The following CNTN1 variants were observed in gnomAD, a reference collection of about 807,000 sequenced individuals.
The protein encoded by CNTN1 is contactin-1.
Under a neutral mutation model 126.4 loss-of-function variants are expected in CNTN1, and 38 were observed. That is an observed-to-expected ratio of 0.30 (90% confidence interval 0.23 to 0.39). The LOEUF (loss-of-function observed/expected upper bound fraction) is 0.39. Among genes scored for constraint, CNTN1 ranks in the 10% least tolerant of loss-of-function variants. CNTN1 has a pLI of 1.00. For synonymous variants in CNTN1, 413 were observed against 422.6 expected (o/e 0.98, Z 0.28); for missense variants, 1,009 against 1,248.4 (o/e 0.81, Z 2.89).
intron 1 of CNTN1, among the ~76,000 whole-genome samples, chr12:40,795,867 T>C (rs1459205130): frequency 6.6e-6 from 1 of 152,118 alleles, no homozygotes; most frequent in East Asian, 1.9e-4. Context: ...AAGTGTTTTT[T>C]AAATTTTTTA....
At chr12:41,007,696 C>T (rs145553435) in intron 17 of CNTN1, among the ~76,000 whole-genome samples, 198 of 152,206 alleles carry the variant, frequency 1.3e-3, no homozygotes, top group African/African-American at 4.1e-3. Flanking sequence ...ACAATGCATG[C>T]GGAAGGTGGT....
At position 40,778,546 on chromosome 12, in the gene CNTN1, A is replaced by G. The variant is rs527842626; in HGVS notation, c.-77+85954A>G. On this transcript the variant is annotated intron_variant, in intron 1 of 23. Coordinates refer to ENST00000551295, the MANE Select transcript of CNTN1 (RefSeq NM_001843.4). ...TGCTCAATTCTACAAATAGACAAAAAATATTATATTAATCTGGAGCATATT... is the reference window on the plus strand; with the variant it reads ...TGCTCAATTCTACAAATAGACAAAAGATATTATATTAATCTGGAGCATATT... 2.0e-5 allele frequency among the ~76,000 whole-genome samples: 3 copies of G among 151,986 alleles called. No homozygotes were observed. The South Asian group carries it at 6.2e-4, about 32-fold the overall frequency.
chr12:40,805,054 A>G (rs1481917600), intron 1 of CNTN1, among the ~76,000 whole-genome samples: 1 of 151,904 alleles, frequency 6.6e-6, no homozygotes, highest in South Asian at 2.1e-4. Context: ...GCACAATACA[A>G]TTTTCCATAT....
chr12:40,967,324 T>TA (rs1415849321), intron 15 of CNTN1, among the ~76,000 whole-genome samples: 1 of 151,360 alleles, frequency 6.6e-6, no homozygotes, highest in Non-Finnish European at 1.5e-5. Flanking sequence ...CTACTAAAAA[T>TA]AAAAAAATTA....
At position 40,863,594 on chromosome 12, in the gene CNTN1, C is replaced by A. The variant is rs918599322; in HGVS notation, c.-76-44763C>A. ...GTACCAGTCCGTGACCTGTTAGAAA[C>A]TGGGTTGCACAGCAGGAGGTGAGCA... On this transcript the variant is annotated intron_variant, in intron 1 of 23. Coordinates refer to ENST00000551295, the MANE Select transcript of CNTN1 (RefSeq NM_001843.4). 4.6e-5 allele frequency among the ~76,000 whole-genome samples: 7 copies of A among 152,138 alleles called. No individual in the cohort carries two copies. The South Asian group carries it at 1.2e-3, about 27-fold the overall frequency.
At chr12:40,801,830 GA>G (rs1346149179) in intron 1 of CNTN1, among the ~76,000 whole-genome samples, 2 of 151,708 alleles carry the variant, frequency 1.3e-5, no homozygotes, top group African/African-American at 4.8e-5. Context: ...GAGGTATTCT[GA>G]TACAATATTT....
intron 19 of CNTN1, among the ~76,000 whole-genome samples, chr12:41,018,761 T>C (rs1174688837): frequency 2.6e-5 from 4 of 152,064 alleles, no homozygotes; most frequent in African/African-American, 9.7e-5. Flanking sequence ...CAACCAAATA[T>C]GTCAAAAGAA....
intron 1 of CNTN1, among the ~76,000 whole-genome samples, chr12:40,716,285 T>G (rs1190455532): frequency 4.0e-5 from 6 of 150,660 alleles, no homozygotes; most frequent in Non-Finnish European, 1.5e-5. Context: ...CCTCCTTTCC[T>G]TCCTCTCTCT....
rs1338560465 is a variant in CNTN1, at chr12:40,806,341, C to G, written c.-76-102016C>G. Reference sequence around the variant, plus strand: ...ATTGCTATAGAAGCCTAGATCCAGTCCTCCCCCAGAGAGAAGTGTGGTTTT... The same window carrying G: ...ATTGCTATAGAAGCCTAGATCCAGTGCTCCCCCAGAGAGAAGTGTGGTTTT... On this transcript the variant is annotated intron_variant, in intron 1 of 23. Coordinates refer to ENST00000551295, the MANE Select transcript of CNTN1 (RefSeq NM_001843.4). Among the ~76,000 whole-genome samples, 3 of 152,118 alleles carry G rather than the reference C, an allele frequency of 2.0e-5. No individual in the cohort carries two copies. The East Asian group carries it at 5.8e-4, about 29-fold the overall frequency.
intron 23 of CNTN1, among the ~76,000 whole-genome samples, chr12:41,053,754 A>G (rs1949740121): frequency 6.6e-6 from 1 of 151,506 alleles, no homozygotes; most frequent in Admixed American, 6.6e-5. Flanking sequence ...ATTTATTATT[A>G]TACTTGTTGA....
chr12:41,025,078 A>C, intron 20 of CNTN1, 72 bp from the exon 21 acceptor site: 2 of 1,419,012 alleles, frequency 1.4e-6, no homozygotes, highest in Non-Finnish European at 2.0e-6. Context: ...TAATAGAACC[A>C]GTTGAAGAGA....
intron 1 of CNTN1, among the ~76,000 whole-genome samples, chr12:40,795,262 T>A (rs7138933): frequency 0.28 from 40,970 of 145,806 alleles, 5,900 homozygotes; most frequent in East Asian, 0.43. Flanking sequence ...TCTGTAAACA[T>A]GTCTACATGT....
chr12:40,846,248 G>A (rs1364621381), intron 1 of CNTN1, among the ~76,000 whole-genome samples: 3 of 152,150 alleles, frequency 2.0e-5, no homozygotes. Flanking sequence ...GCTGAGGCGG[G>A]TGGATCATGA....
At chr12:41,002,237 A>G (rs1948378871) in intron 17 of CNTN1, among the ~76,000 whole-genome samples, 1 of 152,132 alleles carries the variant, frequency 6.6e-6, no homozygotes, top group African/African-American at 2.4e-5. Flanking sequence ...CAGTATGGCC[A>G]TTTTTATAGT....
intron 1 of CNTN1, among the ~76,000 whole-genome samples, chr12:40,758,908 T>G (rs769121980): frequency 1.4e-4 from 21 of 151,966 alleles, no homozygotes; most frequent in Non-Finnish European, 2.1e-4. Context: ...ATATTCTTTT[T>G]TTTGTTTGTT....
intron 1 of CNTN1, among the ~76,000 whole-genome samples, chr12:40,716,850 G>C (rs1216808207): frequency 6.6e-6 from 1 of 152,160 alleles, no homozygotes; most frequent in Non-Finnish European, 1.5e-5. Flanking sequence ...GTAGAAATCA[G>C]TCTACTTAAA....
At chr12:40,705,665 T>C (rs975243968) in intron 1 of CNTN1, among the ~76,000 whole-genome samples, 13 of 152,100 alleles carry the variant, frequency 8.5e-5, no homozygotes, top group Non-Finnish European at 1.5e-5. Context: ...ATATCTCCCA[T>C]GTTGTGTTAG....
intron 16 of CNTN1, among the ~76,000 whole-genome samples, chr12:40,988,833 T>A (rs949372984): frequency 7.2e-5 from 11 of 152,178 alleles, no homozygotes; most frequent in South Asian, 6.2e-4. Context: ...TAGTTTTTTT[T>A]AAAAGAGAGA....
chr12:40,734,673 C>T (rs1006520277), intron 1 of CNTN1, among the ~76,000 whole-genome samples: 4 of 152,022 alleles, frequency 2.6e-5, no homozygotes, highest in Non-Finnish European at 5.9e-5. Context: ...CCCGGAATTT[C>T]GTAGATGACA....
Sources: allele counts gnomAD v4.1 joint callset (sites outside exome capture counted in the v4.1 genomes callset), GRCh38; gene constraint gnomAD v4.1.1; transcripts MANE v1.5; gene names NCBI Gene and HGNC (gene_info 2026-07-23, HGNC 2026-07-21).